Variants in NFAT5 observed in about 807,000 individuals in gnomAD.
The protein encoded by NFAT5 is nuclear factor of activated T cells 5, also known as nuclear factor of activated T-cells 5.
A neutral mutation model predicts 166.5 loss-of-function variants in NFAT5; 31 were observed. The ratio of observed to expected loss-of-function variants is 0.19; its 90% CI spans 0.14 to 0.25. The LOEUF is 0.25. Ranked by LOEUF, NFAT5 falls within the 10% of genes least tolerant of loss-of-function variation. The probability of loss-of-function intolerance (pLI) is 1.00; values close to 1 mark genes in which losing one functional copy is unlikely to be tolerated. For synonymous variants in NFAT5, 612 were observed against 639.7 expected (o/e 0.96, Z 0.65); for missense variants, 1,449 against 1,821.8 (o/e 0.80, Z 3.72).
At chr16:69,567,840 A>C (rs1167098003) in intron 1 of NFAT5, among the ~76,000 whole-genome samples, 1 of 152,222 alleles carries the variant, frequency 6.6e-6, no homozygotes, top group East Asian at 1.9e-4. Context: ...CTAATGTGTT[A>C]GAATTGAGTG....
rs565835595 is a variant in NFAT5 at position 69,680,805 on chromosome 16, G to A, written c.1690+3470G>A. The stretch of plus-strand genomic sequence containing the variant: ...GATGAATTCTTGCTCTGTCACCCAG[G>A]CTGGAGTACAGTGGCGTGATCTCGG... On this transcript the variant is annotated intron_variant, in intron 10 of 14. Coordinates refer to ENST00000349945, the MANE Select transcript of NFAT5 (RefSeq NM_138713.4). Among the ~76,000 whole-genome samples, 60 of 152,090 alleles carry A rather than the reference G, an allele frequency of 3.9e-4. 2 individuals are homozygous for A. The South Asian group carries it at 0.011, about 29-fold the overall frequency.
intron 10 of NFAT5, 149 bp from the exon 11 acceptor site, chr16:69,684,738 A>G: frequency 1.8e-6 from 1 of 567,566 alleles, no homozygotes. Flanking sequence ...TGGAGAATTT[A>G]GAGGATAGAA....
In NFAT5 at chr16:69,627,101, T is replaced by C. The variant is rs553587464; in HGVS notation, c.253+573T>C. ...GATGAAAAGGTATAGAAAGTAATGT[T>C]TGAAATTTATTAGACTTATTTTTAC... On this transcript the variant is annotated intron_variant, in intron 3 of 14. Transcript: ENST00000349945. Among the ~76,000 whole-genome samples, 116 of 151,716 alleles carry C rather than the reference T, an allele frequency of 7.6e-4. 1 individual carries two copies. Among genetic ancestry groups the C allele is most frequent in the African/African-American group, 2.8e-3 (115 of 41,484 alleles).
intron 12 of NFAT5, among the ~76,000 whole-genome samples, chr16:69,691,423 G>T (rs1399259691): frequency 6.6e-6 from 1 of 151,948 alleles, no homozygotes; most frequent in African/African-American, 2.4e-5. Context: ...CCACAAAATT[G>T]AGATATTTTG....
intron 2 of NFAT5, among the ~76,000 whole-genome samples, chr16:69,570,012 TCA>T (rs2016339342): frequency 6.6e-6 from 1 of 152,172 alleles, no homozygotes; most frequent in Non-Finnish European, 1.5e-5. Context: ...CCATAGAGTG[TCA>T]TAATCATAGA....
chr16:69,636,865 T>G (rs2034990444), intron 3 of NFAT5, among the ~76,000 whole-genome samples: 1 of 152,238 alleles, frequency 6.6e-6, no homozygotes, highest in Non-Finnish European at 1.5e-5. Flanking sequence ...TCTTGGGGAT[T>G]ATTAACATTA....
At chr16:69,651,119 T>C (rs1310646015) in intron 4 of NFAT5, among the ~76,000 whole-genome samples, 1 of 152,254 alleles carries the variant, frequency 6.6e-6, no homozygotes, top group African/African-American at 2.4e-5. Context: ...TTAGGATCTT[T>C]CTCATCTTAA....
intron 4 of NFAT5, 58 bp from the exon 5 acceptor site, chr16:69,653,178 T>C (rs1285845050): frequency 8.8e-6 from 11 of 1,248,898 alleles, no homozygotes; most frequent in Non-Finnish European, 1.2e-5. Context: ...AATGGCTTTT[T>C]TTTTTTATCA....
rs575078126 is a variant in NFAT5 at position 69,655,864 on chromosome 16, T to G, written c.1196+65T>G. On this transcript the variant is annotated intron_variant, in intron 6 of 14. Transcript: ENST00000349945. The stretch of plus-strand genomic sequence containing the variant: ...CTTGTGTTAGGCAGAATTGTTCAGT[T>G]TCTAATGTATAGAAGATTTTTTGCG... 3.5e-4 allele frequency: 429 copies of G among 1,210,834 alleles called. 1 individual carries two copies. In the African/African-American group the frequency reaches 6.1e-3, roughly 17 times the overall value. 75.0% of individuals were successfully genotyped at this position (1,210,834 alleles called of 1,614,324 possible).
In NFAT5 at chr16:69,653,748, T is replaced by C. The variant is rs2035771819; in HGVS notation, c.1005+320T>C. On this transcript the variant is annotated intron_variant, in intron 5 of 14. Coordinates refer to ENST00000349945, the MANE Select transcript of NFAT5 (RefSeq NM_138713.4). ...CCACCAGGCCCAGCTAATTTTTGTA[T>C]TTTAGTAGTGTCGCAGTTTCACCAT... Among the ~76,000 whole-genome samples the C allele has an allele frequency of 2.6e-5, 4 of 152,122 alleles. 1 individual carries two copies. In the South Asian group the frequency reaches 8.3e-4, roughly 32 times the overall value.
At chr16:69,609,219 A>G (rs2033583035) in intron 2 of NFAT5, among the ~76,000 whole-genome samples, 1 of 152,160 alleles carries the variant, frequency 6.6e-6, no homozygotes. Context: ...TGAATTAACT[A>G]GCAATGCTTA....
At chr16:69,674,172 G>A (rs1212472364) in intron 9 of NFAT5, among the ~76,000 whole-genome samples, 2 of 151,288 alleles carry the variant, frequency 1.3e-5, no homozygotes, top group African/African-American at 4.9e-5. Context: ...GAACCCAGGA[G>A]GCGGAGGTTG....
At chr16:69,683,756 G>A (rs2037167636) in intron 10 of NFAT5, among the ~76,000 whole-genome samples, 1 of 151,944 alleles carries the variant, frequency 6.6e-6, no homozygotes, top group Admixed American at 6.6e-5. Context: ...AAAAGTTTGA[G>A]ACCCAGCTTG....
rs1474142482 is a variant in NFAT5 at position 69,674,922 on chromosome 16, GCTCCCAAAGC to G, written c.1558-2273_1558-2264del. ...TTTTATCCCAAAGAGCATTATACCT[GCTCCCAAAGC>G]CTCCCAACCCTTTGTATGTTTTGTA... is the stretch of plus-strand genomic sequence containing the variant. On this transcript the variant is annotated intron_variant, in intron 9 of 14. Transcript: ENST00000349945. 1.5e-4 allele frequency among the ~76,000 whole-genome samples: 23 copies of G among 152,240 alleles called. No homozygotes were observed. In the South Asian group the frequency reaches 4.1e-3, roughly 27 times the overall value.
At position 69,698,108 on chromosome 16, in the gene NFAT5, C is replaced by T. The variant is rs1475383967; in HGVS notation, c.*1757C>T. The T allele has an allele frequency of 6.6e-6, 1 of 151,802 alleles. No homozygotes were observed. Among genetic ancestry groups the T allele is most frequent in the African/African-American group, 2.4e-5 (1 of 41,268 alleles). 9.4% of individuals were successfully genotyped at this position (151,802 alleles called of 1,614,324 possible). A position where few individuals can be genotyped will look rare whatever the true frequency, so the allele number is the denominator to read the frequency against. On this transcript the variant is annotated 3_prime_UTR_variant, in exon 15 of 15. Coordinates refer to ENST00000349945, the MANE Select transcript of NFAT5 (RefSeq NM_138713.4). ...TTCTCTTTTTTCTCATGTTTTCTTC[C>T]CTCCACCTCCACCCCTTTCTTTCTT...
intron 4 of NFAT5, among the ~76,000 whole-genome samples, chr16:69,649,729 T>C (rs1434187747): frequency 6.6e-6 from 1 of 151,972 alleles, no homozygotes; most frequent in African/African-American, 2.4e-5. Flanking sequence ...TAAAAGCCTG[T>C]ATTCTTCAAC....
chr16:69,566,569 C>G lies in NFAT5; in HGVS notation c.73+195C>G, dbSNP rs532086765. Among the ~76,000 whole-genome samples the G allele has an allele frequency of 3.4e-3, 513 of 152,104 alleles. 3 individuals are homozygous for G. Among genetic ancestry groups the G allele is most frequent in the African/African-American group, 0.011 (473 of 41,528 alleles). On this transcript the variant is annotated intron_variant, in intron 1 of 14. Coordinates refer to ENST00000349945, the MANE Select transcript of NFAT5 (RefSeq NM_138713.4). The surrounding 1 kb of genome is among the most constrained non-coding windows in gnomAD (Gnocchi z 5.7). Reference sequence around the variant, plus strand: ...AGGGGGCGGGCGGAGCAGTGGCGGCCCCTCCCCCGCGGAGCCGCCGGCCGC... The same window carrying G: ...AGGGGGCGGGCGGAGCAGTGGCGGCGCCTCCCCCGCGGAGCCGCCGGCCGC...
chr16:69,632,706 A>G (rs775096386), intron 3 of NFAT5: 1 of 152,178 alleles, frequency 6.6e-6, no homozygotes, highest in Non-Finnish European at 1.5e-5. Flanking sequence ...CTGGGTTAAC[A>G]TATTTCAGAA....
At chr16:69,646,079 TCTTACATTGGAAA>T (rs2151619594) in intron 3 of NFAT5, among the ~76,000 whole-genome samples, 1 of 152,320 alleles carries the variant, frequency 6.6e-6, no homozygotes, top group East Asian at 1.9e-4. Context: ...TTACCATTGT[TCTTACATTGGAAA>T]ATTCCCTTAC....
Sources: allele counts gnomAD v4.1 joint callset (sites outside exome capture counted in the v4.1 genomes callset), GRCh38; gene constraint gnomAD v4.1.1; non-coding constraint Gnocchi (gnomAD v3.1); transcripts MANE v1.5; gene names NCBI Gene and HGNC (gene_info 2026-07-23, HGNC 2026-07-21).